Variants in VKORC1L1 observed in about 807,000 individuals in gnomAD.
VKORC1L1 encodes vitamin K epoxide reductase complex subunit 1-like protein 1.
VKORC1L1 carries 2 observed loss-of-function variants against 18.9 expected under a neutral mutation model. The ratio of observed to expected loss-of-function variants is 0.11; its 90% CI spans 0.04 to 0.33. The LOEUF is 0.33. Among genes scored for constraint, VKORC1L1 ranks in the 10% least tolerant of loss-of-function variants. The probability of loss-of-function intolerance (pLI) is 1.00; values close to 1 mark genes in which losing one functional copy is unlikely to be tolerated. For missense variants in VKORC1L1, 123 were observed against 224.1 expected (o/e 0.55, Z 2.88); for synonymous variants, 96 against 100.0 (o/e 0.96, Z 0.24).
intron 1 of VKORC1L1, among the ~76,000 whole-genome samples, chr7:65,904,924 GTGTA>G (rs1352454959): frequency 1.3e-5 from 2 of 151,802 alleles, no homozygotes; most frequent in South Asian, 4.2e-4. Context: ...ATTTCTTCCT[GTGTA>G]TGTATGTATA....
chr7:65,899,557 G>T (rs961418114), intron 1 of VKORC1L1, among the ~76,000 whole-genome samples: 1 of 152,156 alleles, frequency 6.6e-6, no homozygotes, highest in Non-Finnish European at 1.5e-5. Context: ...TGACTCTGAA[G>T]CTTATGGGAG....
chr7:65,868,175 G>C (rs1273654850), upstream of VKORC1L1, among the ~76,000 whole-genome samples: 4 of 151,988 alleles, frequency 2.6e-5, no homozygotes, highest in East Asian at 5.8e-4. Context: ...TCAGAAAACA[G>C]TCAGGTGAGA....
intron 1 of VKORC1L1, among the ~76,000 whole-genome samples, chr7:65,940,982 T>G (rs1203139204): frequency 6.6e-6 from 1 of 152,190 alleles, no homozygotes; most frequent in Non-Finnish European, 1.5e-5. Context: ...CTATATAGTG[T>G]CTAGGAATGC....
intron 1 of VKORC1L1, among the ~76,000 whole-genome samples, chr7:65,898,964 A>C (rs1171699108): frequency 6.6e-6 from 1 of 152,182 alleles, no homozygotes; most frequent in Non-Finnish European, 1.5e-5. Context: ...AATGTTCTCA[A>C]GGTCCATACT....
chr7:65,923,503 C>G (rs6970243), intron 1 of VKORC1L1, among the ~76,000 whole-genome samples: 1 of 151,886 alleles, frequency 6.6e-6, no homozygotes, highest in Non-Finnish European at 1.5e-5. Flanking sequence ...GGGAGTGACT[C>G]CAAGTGTGAT....
intron 1 of VKORC1L1, among the ~76,000 whole-genome samples, chr7:65,895,899 T>C (rs185898354): frequency 0.038 from 5,364 of 142,766 alleles, 156 homozygotes; most frequent in East Asian, 0.095. Flanking sequence ...CACTTCTTTT[T>C]TTTTTTTTTT....
At chr7:65,881,525 G>A (rs1310175609) in intron 1 of VKORC1L1, among the ~76,000 whole-genome samples, 3 of 152,206 alleles carry the variant, frequency 2.0e-5, no homozygotes, top group Non-Finnish European at 4.4e-5. Context: ...TTATAAAGTG[G>A]TAGCATGAGG....
At chr7:65,869,658 T>TC (rs990761530), upstream of VKORC1L1, among the ~76,000 whole-genome samples, 1 of 147,110 alleles carries the variant, frequency 6.8e-6, no homozygotes, top group African/African-American at 2.5e-5. Flanking sequence ...TTTTTTTTTT[T>TC]TTTTTTTTTA....
At chr7:65,894,211 T>C (rs1037079898) in intron 1 of VKORC1L1, among the ~76,000 whole-genome samples, 1 of 151,746 alleles carries the variant, frequency 6.6e-6, no homozygotes, top group Non-Finnish European at 1.5e-5. Flanking sequence ...TGCCTCAACC[T>C]CCCAAAATGT....
chr7:65,896,169 G>A (rs1053738957), intron 1 of VKORC1L1, among the ~76,000 whole-genome samples: 1 of 151,344 alleles, frequency 6.6e-6, no homozygotes, highest in Non-Finnish European at 1.5e-5. Context: ...CTCCCAAAGT[G>A]CTAGGATTTT....
At chr7:65,888,206 A>T (rs960659624) in intron 1 of VKORC1L1, among the ~76,000 whole-genome samples, 6 of 152,174 alleles carry the variant, frequency 3.9e-5, no homozygotes, top group African/African-American at 1.4e-4. Flanking sequence ...TCTGCAATCT[A>T]TAGTCACTGT....
chr7:65,866,991 A>G, the VKORC1L1 span, among the ~76,000 whole-genome samples: 2 of 152,056 alleles, frequency 1.3e-5, no homozygotes, highest in East Asian at 3.9e-4. Context: ...GATGAAGACC[A>G]TCCTGGCCAA....
intron 1 of VKORC1L1, among the ~76,000 whole-genome samples, chr7:65,923,258 C>T (rs985481587): frequency 6.6e-5 from 10 of 152,050 alleles, no homozygotes; most frequent in Admixed American, 5.3e-4. Flanking sequence ...AAAAATTAGC[C>T]GGGTGTTGTG....
chr7:65,895,268 C>G (rs577367178), intron 1 of VKORC1L1, among the ~76,000 whole-genome samples: 3 of 151,474 alleles, frequency 2.0e-5, no homozygotes, highest in South Asian at 2.1e-4. Flanking sequence ...ACATTTAAGT[C>G]TAAAGAAGCT....
chr7:65,884,726 A>T (rs1181227991), intron 1 of VKORC1L1, among the ~76,000 whole-genome samples: 1 of 152,222 alleles, frequency 6.6e-6, no homozygotes, highest in African/African-American at 2.4e-5. Flanking sequence ...GCCCTTGCCA[A>T]ATTGGGCATT....
chr7:65,947,430 T>G (rs1790139449), intron 1 of VKORC1L1, among the ~76,000 whole-genome samples: 1 of 151,948 alleles, frequency 6.6e-6, no homozygotes, highest in South Asian at 2.1e-4. Flanking sequence ...TTTTTTTTTT[T>G]TAGTATTTAA....
chr7:65,929,229 T>C (rs908384759), intron 1 of VKORC1L1, among the ~76,000 whole-genome samples: 1 of 151,978 alleles, frequency 6.6e-6, no homozygotes, highest in African/African-American at 2.4e-5. Flanking sequence ...GCCAACATGG[T>C]GAAACCTCAT....
intron 1 of VKORC1L1, among the ~76,000 whole-genome samples, chr7:65,920,072 A>G (rs551083982): frequency 2.0e-5 from 3 of 151,748 alleles, no homozygotes; most frequent in East Asian, 3.9e-4. Flanking sequence ...GCTCTGTTCC[A>G]TGCATCCTGG....
At position 65,903,475 on chromosome 7, in the gene VKORC1L1, C is replaced by T. The variant is rs193020868; in HGVS notation, c.194+29910C>T. ...CCACTGTGCCCAGCCTGGAGAGACA[C>T]CTTTAAAGTGCTTTTTAAAAAAGAC... On this transcript the variant is annotated intron_variant, in intron 1 of 2. Coordinates refer to ENST00000360768, the MANE Select transcript of VKORC1L1 (RefSeq NM_173517.6). 1.9e-3 allele frequency among the ~76,000 whole-genome samples: 290 copies of T among 152,124 alleles called. 3 individuals carry two copies. The highest frequency in any genetic ancestry group is 6.8e-3 in the African/African-American group (283 of 41,518).
Sources: allele counts gnomAD v4.1 joint callset (sites outside exome capture counted in the v4.1 genomes callset), GRCh38; gene constraint gnomAD v4.1.1; transcripts MANE v1.5; gene names NCBI Gene and HGNC (gene_info 2026-07-23, HGNC 2026-07-21).